FHAD1: variants seen among roughly 807,000 people sequenced by gnomAD.
FHAD1 encodes the protein forkhead-associated domain-containing protein 1.
Under a neutral mutation model 191.3 loss-of-function variants are expected in FHAD1, and 146 were observed. That is an observed-to-expected ratio of 0.76 (90% CI 0.67 to 0.88). The LOEUF (loss-of-function observed/expected upper bound fraction) is 0.88, where lower values mean the gene tolerates loss of function less well. Ranked by LOEUF, FHAD1 falls within the 40% of genes least tolerant of loss-of-function variation. The probability of loss-of-function intolerance (pLI) is 0.00; values close to 1 mark genes in which losing one functional copy is unlikely to be tolerated. For synonymous variants in FHAD1, 616 were observed against 672.3 expected, an observed-to-expected ratio of 0.92 and a Z score of 1.29; for missense variants, 1,635 against 1,785.8, an observed-to-expected ratio of 0.92 and a Z score of 1.52.
At chr1:15,371,521 C>T (rs892512485) in intron 26 of FHAD1, among the ~76,000 whole-genome samples, 2 of 152,138 alleles carry the variant, frequency 1.3e-5, no homozygotes, top group Non-Finnish European at 2.9e-5. Flanking sequence ...AATAAATTCC[C>T]AGCAGATCCG....
intron 14 of FHAD1, among the ~76,000 whole-genome samples, chr1:15,336,827 A>C (rs1377534935): frequency 2.6e-5 from 4 of 152,138 alleles, no homozygotes; most frequent in African/African-American, 9.7e-5. Flanking sequence ...GACCTGCCCA[A>C]CGCTCTTCAT....
At position 15,391,643 on chromosome 1, in the gene FHAD1, C is replaced by T. The variant is rs182634085; in HGVS notation, c.4323+380C>T. ...TATCAGGAAGCTTGAAAGCAAAACA[C>T]ATTTTTGTTGAATAAGAAAGGCTTA... On this transcript the variant is annotated intron_variant, in intron 33 of 33. Coordinates refer to ENST00000688493, the MANE Select transcript of FHAD1 (RefSeq NM_001391957.1). Among the ~76,000 whole-genome samples, 44 of 152,320 alleles carry T rather than the reference C, an allele frequency of 2.9e-4. No individual in the cohort carries two copies. In the East Asian group the frequency reaches 8.3e-3, roughly 29 times the overall value.
chr1:15,251,942 C>A (rs1271850323), intron 2 of FHAD1, 65 bp downstream of exon 2: 3 of 1,348,160 alleles, frequency 2.2e-6, no homozygotes, highest in South Asian at 2.7e-5. Context: ...CTCTAACAGT[C>A]CTTAGCGTTA....
chr1:15,377,036 G>A (rs916189807), intron 28 of FHAD1, among the ~76,000 whole-genome samples: 1 of 152,206 alleles, frequency 6.6e-6, no homozygotes, highest in African/African-American at 2.4e-5. Context: ...ATTTCCAGAA[G>A]TGATTTGATT....
rs560235439 is a variant in FHAD1, at chr1:15,318,463, G to A, written c.1365+535G>A. 6.6e-5 allele frequency among the ~76,000 whole-genome samples: 10 copies of A among 152,152 alleles called. No individual in the cohort carries two copies. The highest frequency in any genetic ancestry group is 2.1e-4 in the South Asian group (1 of 4,816). ...AGCCTGGCCAATGTGGTGAAACCCC[G>A]TCTCTACTAAAAATACAAAAATTAG... On this transcript the variant is annotated intron_variant, in intron 10 of 33. Coordinates refer to ENST00000688493, the MANE Select transcript of FHAD1 (RefSeq NM_001391957.1). The surrounding 1 kb of genome is among the most constrained non-coding windows in gnomAD (Gnocchi z 4.1).
chr1:15,252,407 C>T (rs1305784434), intron 2 of FHAD1, among the ~76,000 whole-genome samples: 5 of 152,144 alleles, frequency 3.3e-5, no homozygotes, highest in African/African-American at 1.2e-4. Context: ...ACTTTGGGAT[C>T]ATTGGATGCT....
chr1:15,270,779 C>T (rs908265366), intron 2 of FHAD1, among the ~76,000 whole-genome samples: 1 of 152,056 alleles, frequency 6.6e-6, no homozygotes, highest in Non-Finnish European at 1.5e-5. Flanking sequence ...CGGTGGCTCA[C>T]GCCTGTAATC....
intron 3 of FHAD1, among the ~76,000 whole-genome samples, chr1:15,284,563 C>T (rs2100381892): frequency 6.6e-6 from 1 of 152,186 alleles, no homozygotes; most frequent in Non-Finnish European, 1.5e-5. Context: ...TTGTCCACAG[C>T]CTCCAGGGCT....
chr1:15,399,345 T>C (rs1414341115), downstream of FHAD1, among the ~76,000 whole-genome samples: 2 of 152,002 alleles, frequency 1.3e-5, no homozygotes, highest in African/African-American at 2.4e-5. Flanking sequence ...GGCAGGAGGA[T>C]TGCTTGAGCC....
At chr1:15,297,286 C>T (rs998459557) in intron 5 of FHAD1, among the ~76,000 whole-genome samples, 4 of 152,148 alleles carry the variant, frequency 2.6e-5, no homozygotes, top group Non-Finnish European at 4.4e-5. Context: ...GAAGAGAGGT[C>T]AGAACAGATA....
intron 3 of FHAD1, among the ~76,000 whole-genome samples, chr1:15,284,923 GGAAA>G (rs56001551): frequency 0.093 from 14,053 of 151,362 alleles, 757 homozygotes; most frequent in South Asian, 0.23. Flanking sequence ...AGAAAGAGGA[GGAAA>G]GAAAGAAAGA....
intron 32 of FHAD1, among the ~76,000 whole-genome samples, chr1:15,390,827 G>A (rs1230577497): frequency 2.0e-5 from 3 of 152,168 alleles, no homozygotes; most frequent in Non-Finnish European, 4.4e-5. Flanking sequence ...ACCGAGGTGT[G>A]AACCACCGGG....
chr1:15,402,516 T>C (rs1707151257), downstream of FHAD1, among the ~76,000 whole-genome samples: 1 of 152,232 alleles, frequency 6.6e-6, no homozygotes, highest in Non-Finnish European at 1.5e-5. Context: ...GACAGCGGCA[T>C]GCAGCAATGA....
chr1:15,260,620 T>G (rs1650586858), intron 2 of FHAD1, among the ~76,000 whole-genome samples: 1 of 152,208 alleles, frequency 6.6e-6, no homozygotes, highest in South Asian at 2.1e-4. Context: ...TGGCCATCGG[T>G]TGGAGGCCAG....
chr1:15,270,180 G>A (rs1292948123), intron 2 of FHAD1, among the ~76,000 whole-genome samples: 1 of 152,126 alleles, frequency 6.6e-6, no homozygotes, highest in Non-Finnish European at 1.5e-5. Context: ...CAAAGTGCTG[G>A]GATTACAGGC....
chr1:15,276,854 A>G lies in FHAD1; in HGVS notation c.300+4325A>G, dbSNP rs1190702748. Among the ~76,000 whole-genome samples, 1 of 151,838 alleles carries G rather than the reference A, an allele frequency of 6.6e-6. No individual in the cohort carries two copies. Among genetic ancestry groups the G allele is most frequent in the African/African-American group, 2.4e-5 (1 of 41,344 alleles). Reference sequence around the variant, plus strand: ...CACAACTCCAGTCACCATTCACAGTAGAGTCCACAAAGATGGCACCCCCTG... The same window carrying G: ...CACAACTCCAGTCACCATTCACAGTGGAGTCCACAAAGATGGCACCCCCTG... On this transcript the variant is annotated intron_variant, in intron 3 of 33. Transcript: ENST00000688493. This position sits in a 1 kb window ranked among gnomAD's most constrained non-coding sequence, Gnocchi z 4.7.
intron 4 of FHAD1, among the ~76,000 whole-genome samples, chr1:15,290,840 C>A (rs761933619): frequency 1.1e-4 from 17 of 152,180 alleles, no homozygotes; most frequent in Admixed American, 4.6e-4. Flanking sequence ...TCCCGAGTAG[C>A]TGGGACTACA....
chr1:15,364,997 C>T (rs1695954205), intron 23 of FHAD1, among the ~76,000 whole-genome samples: 1 of 152,166 alleles, frequency 6.6e-6, no homozygotes, highest in South Asian at 2.1e-4. Context: ...CACTGTCCCC[C>T]TGTTGCCTGG....
chr1:15,367,139 C>T (rs1202234669), intron 24 of FHAD1, among the ~76,000 whole-genome samples: 1 of 152,134 alleles, frequency 6.6e-6, no homozygotes, highest in African/African-American at 2.4e-5. Flanking sequence ...TATATCTGCT[C>T]ACTCTTAGTT....
Sources: allele counts gnomAD v4.1 joint callset (sites outside exome capture counted in the v4.1 genomes callset), GRCh38; gene constraint gnomAD v4.1.1; non-coding constraint Gnocchi (gnomAD v3.1); transcripts MANE v1.5; gene names NCBI Gene and HGNC (gene_info 2026-07-23, HGNC 2026-07-21).